The following CAMK4 variants were observed in gnomAD, a reference collection of about 807,000 sequenced individuals.
CAMK4 encodes the protein calcium/calmodulin dependent protein kinase IV.
In CAMK4, 22 loss-of-function variants were observed where a neutral mutation model predicts 44.9. That is an observed-to-expected ratio of 0.49 (90% CI 0.35 to 0.70). The LOEUF (loss-of-function observed/expected upper bound fraction) is 0.70. Ranked by LOEUF, CAMK4 falls within the 30% of genes least tolerant of loss-of-function variation. The pLI, the probability that CAMK4 is intolerant of heterozygous loss-of-function variation, is 0.01. For missense variants in CAMK4, 498 were observed against 586.8 expected (o/e 0.85, Z 1.56); for synonymous variants, 218 against 215.4 (o/e 1.01, Z -0.11).
intron 1 of CAMK4, among the ~76,000 whole-genome samples, chr5:111,277,846 G>A (rs903438138): frequency 6.6e-6 from 1 of 152,032 alleles, no homozygotes; most frequent in Non-Finnish European, 1.5e-5. Flanking sequence ...AATCTAGGAT[G>A]TGTTATAAGG....
intron 1 of CAMK4, among the ~76,000 whole-genome samples, chr5:111,232,734 G>C (rs1341027613): frequency 1.3e-5 from 2 of 151,990 alleles, no homozygotes; most frequent in Non-Finnish European, 2.9e-5. Context: ...GATCAAACAT[G>C]GGGCTAGATA....
At position 111,485,831 on chromosome 5, in the gene CAMK4, A is replaced by G. The variant is rs549607774; in HGVS notation, c.*1365A>G. ...AGTTTAATTTCTCTTTGACTTTCAT[A>G]GAAACACTTTCCCCTTATAGAAATT... On this transcript the variant is annotated 3_prime_UTR_variant, in exon 11 of 11. Coordinates refer to ENST00000282356, the MANE Select transcript of CAMK4 (RefSeq NM_001744.6). 16 of 152,340 alleles carry G rather than the reference A, an allele frequency of 1.1e-4. No individual in the cohort carries two copies. In the South Asian group the frequency reaches 3.3e-3, roughly 32 times the overall value. 9.4% of individuals were successfully genotyped at this position (152,340 alleles called of 1,614,324 possible).
Position 111,224,747 on chromosome 5 carries a change from C to A in CAMK4, c.161+103C>A. On this transcript the variant is annotated intron_variant, in intron 1 of 10. Coordinates refer to ENST00000282356, the MANE Select transcript of CAMK4 (RefSeq NM_001744.6). This position sits in a 1 kb window ranked among gnomAD's most constrained non-coding sequence, Gnocchi z 5.7. ...TGCGGGAGCCTGCCTTCGTGCCCTT[C>A]GATTTCTCCCTACCTAGTTAGTGTC... 9.1e-7 allele frequency: 1 copy of A among 1,098,628 alleles called. No individual in the cohort carries two copies. The highest frequency in any genetic ancestry group is 1.3e-6 in the Non-Finnish European group (1 of 773,030). The allele number at this position is 1,098,628 out of a possible 1,614,324, so 68.1% of individuals were successfully genotyped here.
At chr5:111,353,329 G>A (rs1750193138) in intron 2 of CAMK4, among the ~76,000 whole-genome samples, 1 of 151,968 alleles carries the variant, frequency 6.6e-6, no homozygotes, top group African/African-American at 2.4e-5. Context: ...TACAGAGCGA[G>A]GTTCTGGAAA....
chr5:111,461,816 A>AAAAAAC (rs1754654394), intron 7 of CAMK4, among the ~76,000 whole-genome samples: 1 of 149,100 alleles, frequency 6.7e-6, no homozygotes, highest in Admixed American at 6.6e-5. Context: ...TCTATAGTAA[A>AAAAAAC]AAAAAAAAAA....
At chr5:111,271,047 A>C (rs1280556506) in intron 1 of CAMK4, among the ~76,000 whole-genome samples, 6 of 152,026 alleles carry the variant, frequency 3.9e-5, no homozygotes, top group African/African-American at 1.4e-4. Flanking sequence ...TCACGTGAGA[A>C]CTCACTCACT....
At chr5:111,380,967 A>C (rs1316882256) in intron 4 of CAMK4, among the ~76,000 whole-genome samples, 2 of 152,186 alleles carry the variant, frequency 1.3e-5, no homozygotes, top group Non-Finnish European at 1.5e-5. Flanking sequence ...ACTTTAAGCC[A>C]GGGCATTATA....
chr5:111,457,579 C>T (rs913512053), intron 7 of CAMK4, among the ~76,000 whole-genome samples: 6 of 152,138 alleles, frequency 3.9e-5, no homozygotes, highest in Admixed American at 1.3e-4. Flanking sequence ...GACAAATTTT[C>T]AACAGCTTAT....
chr5:111,272,442 G>T (rs907854773), intron 1 of CAMK4, among the ~76,000 whole-genome samples: 8 of 151,976 alleles, frequency 5.3e-5, no homozygotes, highest in African/African-American at 1.9e-4. Flanking sequence ...CTCTTAAGTG[G>T]CAGGAACCTA....
intron 5 of CAMK4, among the ~76,000 whole-genome samples, chr5:111,423,928 A>G (rs1267248035): frequency 1.3e-5 from 2 of 152,244 alleles, no homozygotes; most frequent in Admixed American, 6.5e-5. Context: ...TATCAGGCTC[A>G]TTATACAGAT....
intron 1 of CAMK4, among the ~76,000 whole-genome samples, chr5:111,269,819 A>G (rs1053033848): frequency 6.6e-6 from 1 of 152,186 alleles, no homozygotes; most frequent in Admixed American, 6.5e-5. Flanking sequence ...AAGGCTGTCC[A>G]TGGGCATGTA....
intron 2 of CAMK4, among the ~76,000 whole-genome samples, chr5:111,347,976 A>G (rs1236504296): frequency 6.6e-6 from 1 of 152,056 alleles, no homozygotes. Flanking sequence ...ATTTATAAAT[A>G]ATTTAATGTA....
At chr5:111,233,757 A>C (rs1338048575) in intron 1 of CAMK4, among the ~76,000 whole-genome samples, 2 of 152,178 alleles carry the variant, frequency 1.3e-5, no homozygotes, top group Non-Finnish European at 2.9e-5. Context: ...CAGATGTCTC[A>C]GGTGGATAAT....
intron 1 of CAMK4, among the ~76,000 whole-genome samples, chr5:111,228,338 G>A (rs1748296036): frequency 6.6e-6 from 1 of 151,986 alleles, no homozygotes; most frequent in African/African-American, 2.4e-5. Context: ...CCTCCCCACT[G>A]CAATGTAATT....
At chr5:111,402,610 A>C (rs1484931547) in intron 5 of CAMK4, among the ~76,000 whole-genome samples, 1 of 152,244 alleles carries the variant, frequency 6.6e-6, no homozygotes, top group Non-Finnish European at 1.5e-5. Context: ...CCTTGTAGGA[A>C]GATGGAAAGT....
intron 2 of CAMK4, among the ~76,000 whole-genome samples, chr5:111,362,105 G>T (rs1049994585): frequency 2.0e-5 from 3 of 151,924 alleles, no homozygotes; most frequent in Non-Finnish European, 2.9e-5. Flanking sequence ...ACAGGGACTA[G>T]GAAATTTCAC....
At position 111,452,748 on chromosome 5, in the gene CAMK4, G is replaced by A. The variant is rs115684589; in HGVS notation, c.625+3545G>A. Among the ~76,000 whole-genome samples the A allele has an allele frequency of 8.4e-3, 1,276 of 152,066 alleles. 15 individuals carry two copies. Among genetic ancestry groups the A allele is most frequent in the African/African-American group, 0.029 (1,205 of 41,450 alleles). On this transcript the variant is annotated intron_variant, in intron 7 of 10. Coordinates refer to ENST00000282356, the MANE Select transcript of CAMK4 (RefSeq NM_001744.6). ...TTATTATTTTCTCTTGCAAATATCC[G>A]TTTCAGCCTAGATGGTAAATAATGA... is the stretch of plus-strand genomic sequence containing the variant.
At chr5:111,313,023 C>A (rs548644671) in intron 1 of CAMK4, among the ~76,000 whole-genome samples, 1 of 152,058 alleles carries the variant, frequency 6.6e-6, no homozygotes, top group African/African-American at 2.4e-5. Flanking sequence ...CAAAGGGATG[C>A]CCCTTCTATT....
intron 4 of CAMK4, among the ~76,000 whole-genome samples, chr5:111,394,465 A>G (rs1751922622): frequency 6.6e-6 from 1 of 152,210 alleles, no homozygotes; most frequent in Admixed American, 6.5e-5. Flanking sequence ...TAAAACAGAC[A>G]AAGTGTTTTC....
Sources: gnomAD v4.1 joint callset for allele counts (sites outside exome capture counted in the v4.1 genomes callset) on GRCh38, gnomAD v4.1.1 for gene constraint, Gnocchi (gnomAD v3.1) non-coding constraint, MANE v1.5 for transcripts, NCBI Gene and HGNC (gene_info 2026-07-23, HGNC 2026-07-21) for gene names.